FRYL: variants seen among roughly 807,000 people sequenced by gnomAD.
FRYL encodes the protein FRY like transcription coactivator, also known as protein furry homolog-like.
Under a neutral mutation model 351.2 loss-of-function variants are expected in FRYL, and 150 were observed. That is an observed-to-expected ratio of 0.43 (90% CI 0.37 to 0.49). FRYL has a LOEUF of 0.49. FRYL is among the 20% of genes least tolerant of loss of function. The pLI is 0.00. For missense variants in FRYL, 3,036 were observed against 3,619.3 expected (o/e 0.84, Z 4.13); for synonymous variants, 1,153 against 1,257.1 (o/e 0.92, Z 1.75).
At chr4:48,504,821 A>C (rs1720547601) in intron 60 of FRYL, among the ~76,000 whole-genome samples, 1 of 81,034 alleles carries the variant, frequency 1.2e-5, no homozygotes, top group Non-Finnish European at 2.5e-5. Flanking sequence ...GTTTTTGCAG[A>C]ACTTCAATTT....
chr4:48,715,811 C>T (rs1372436845), intron 1 of FRYL, among the ~76,000 whole-genome samples: 11 of 152,130 alleles, frequency 7.2e-5, no homozygotes, highest in South Asian at 4.1e-4. Context: ...GAGCCCGCAT[C>T]GCCAAGTCAA....
At chr4:48,578,829 C>A in intron 23 of FRYL, 144 bp downstream of exon 23, 1 of 649,224 alleles carries the variant, frequency 1.5e-6, no homozygotes, top group Non-Finnish European at 2.6e-6. Flanking sequence ...TGACAACATT[C>A]TTCTCCCTCC....
chr4:48,609,574 A>G (rs1747618283), intron 8 of FRYL, among the ~76,000 whole-genome samples, 170 bp downstream of exon 8: 1 of 151,622 alleles, frequency 6.6e-6, no homozygotes, highest in Non-Finnish European at 1.5e-5. Context: ...GTGAGCCATG[A>G]TTGCATCTCT....
At chr4:48,627,391 C>T (rs1397385799) in intron 4 of FRYL, among the ~76,000 whole-genome samples, 1 of 152,114 alleles carries the variant, frequency 6.6e-6, no homozygotes, top group African/African-American at 2.4e-5. Context: ...ATTTATTCAA[C>T]ACAGTTATAG....
At chr4:48,674,581 CA>C (rs1245650375) in intron 3 of FRYL, among the ~76,000 whole-genome samples, 3 of 151,346 alleles carry the variant, frequency 2.0e-5, no homozygotes, top group Non-Finnish European at 3.0e-5. Flanking sequence ...ACTAAAAATA[CA>C]AAAAATTAGC....
chr4:48,726,859 A>T (rs565556004), intron 1 of FRYL, among the ~76,000 whole-genome samples: 1 of 152,230 alleles, frequency 6.6e-6, no homozygotes, highest in Non-Finnish European at 1.5e-5. Flanking sequence ...TTTGTGTTTT[A>T]AGCGACTGAT....
intron 33 of FRYL, among the ~76,000 whole-genome samples, chr4:48,560,238 T>C (rs9999549): frequency 7.4e-4 from 112 of 152,334 alleles, no homozygotes; most frequent in African/African-American, 2.5e-3. Context: ...TTTATGCTGA[T>C]ACCTGTATCT....
intron 33 of FRYL, 82 bp downstream of exon 33, chr4:48,561,386 T>C: frequency 1.1e-6 from 1 of 931,884 alleles, no homozygotes; most frequent in Non-Finnish European, 1.5e-6. Context: ...ACCTGTAATT[T>C]AATAAATTTA....
At chr4:48,521,646 C>T (rs1202669465) in intron 54 of FRYL, among the ~76,000 whole-genome samples, 6 of 152,192 alleles carry the variant, frequency 3.9e-5, no homozygotes, top group Non-Finnish European at 8.8e-5. Context: ...TGCAGATCTG[C>T]AATAACCATA....
chr4:48,560,837 A>C (rs1490680013), intron 33 of FRYL, among the ~76,000 whole-genome samples: 1 of 152,180 alleles, frequency 6.6e-6, no homozygotes, highest in Non-Finnish European at 1.5e-5. Flanking sequence ...TCTATTGCTA[A>C]AATAGGTGCT....
At chr4:48,607,751 A>T (rs544929155) in intron 9 of FRYL, among the ~76,000 whole-genome samples, 1 of 152,170 alleles carries the variant, frequency 6.6e-6, no homozygotes. Flanking sequence ...GTATTGCTCT[A>T]AAGTGGCATT....
intron 13 of FRYL, among the ~76,000 whole-genome samples, chr4:48,599,665 T>C (rs1404481582): frequency 3.3e-5 from 5 of 152,218 alleles, no homozygotes; most frequent in Non-Finnish European, 5.9e-5. Context: ...TATGGAACTA[T>C]GTGAATATGG....
intron 1 of FRYL, among the ~76,000 whole-genome samples, chr4:48,714,306 C>G (rs1339315106): frequency 6.8e-6 from 1 of 146,190 alleles, no homozygotes; most frequent in African/African-American, 2.5e-5. Context: ...ACACAAAAAA[C>G]CCTTAAAAAA....
chr4:48,669,934 A>AT (rs1405245799), intron 3 of FRYL, among the ~76,000 whole-genome samples: 1 of 151,558 alleles, frequency 6.6e-6, no homozygotes. Context: ...TTTTTTTTAC[A>AT]TTTTTTAAAA....
chr4:48,702,455 CAAAAAAAAAAAAAAAAAAAAA>C (rs34675617), intron 2 of FRYL, among the ~76,000 whole-genome samples: 337 of 29,440 alleles, frequency 0.011, 9 homozygotes, highest in African/African-American at 0.042. Flanking sequence ...GACTCTGTCT[CAAAAAAAAAAAAAAAAAAAAA>C]AAAAAAAAAA....
At position 48,565,692 on chromosome 4, in the gene FRYL, C is replaced by T; in HGVS notation, c.3170-1G>A. On this transcript the variant is annotated splice_acceptor_variant, in intron 28 of 63. Transcript: ENST00000358350. LOFTEE classifies it high-confidence loss of function. ...GGAAAAATACTTCTTCTCTGGTGCACTGTGAATAAAAAAAGATAGAAAACA... is the reference window on the plus strand; with the variant it reads ...GGAAAAATACTTCTTCTCTGGTGCATTGTGAATAAAAAAAGATAGAAAACA... 1.2e-6 allele frequency: 2 copies of T among 1,601,482 alleles called. No homozygotes were observed. The highest frequency in any genetic ancestry group is 1.7e-6 in the Non-Finnish European group (2 of 1,176,944).
intron 2 of FRYL, among the ~76,000 whole-genome samples, chr4:48,693,224 T>C (rs1002178321): frequency 6.6e-6 from 1 of 152,252 alleles, no homozygotes; most frequent in Non-Finnish European, 1.5e-5. Context: ...TTCCTTTATA[T>C]CGCTCTAACA....
Position 48,575,137 on chromosome 4 carries a change from C to T in FRYL, c.2826G>A (p.Arg942=). 5 of 1,613,746 alleles carry T rather than the reference C, an allele frequency of 3.1e-6. No homozygotes were observed. The highest frequency in any genetic ancestry group is 4.2e-6 in the Non-Finnish European group (5 of 1,179,702). The part of the protein sequence containing the change: ...ITESLVLGLG[R]TNPGAFRELI... ...GTTACCTAAAAGCTCCTGGGTTGGT[C>T]CTGCCAAGACCTAGAACAAGGGATT... The change falls in exon 25 of 64, where the codon AGG becomes AGA. Residue 942 remains arginine (R), a synonymous_variant. Coordinates refer to ENST00000358350, the MANE Select transcript of FRYL (RefSeq NM_015030.2).
chr4:48,535,874 A>T lies in FRYL; in HGVS notation c.6394-47T>A, dbSNP rs768080770. ...TTCATTCACCTAAAATAAAGACACA[A>T]GTTTAACTTGATTTTATGCTAAATG... is the stretch of plus-strand genomic sequence containing the variant. On this transcript the variant is annotated intron_variant, in intron 47 of 63. Transcript: ENST00000358350. 1.6e-5 allele frequency: 22 copies of T among 1,335,206 alleles called. No homozygotes were observed. In the East Asian group the frequency reaches 5.6e-4, roughly 34 times the overall value. 82.7% of individuals were successfully genotyped at this position (1,335,206 alleles called of 1,614,324 possible).
Sources: gnomAD v4.1 joint callset for allele counts (sites outside exome capture counted in the v4.1 genomes callset) on GRCh38, gnomAD v4.1.1 for gene constraint, MANE v1.5 for transcripts, NCBI Gene and HGNC (gene_info 2026-07-23, HGNC 2026-07-21) for gene names.